Variants in SLC22A15 observed in about 807,000 individuals in gnomAD.
SLC22A15 encodes the protein solute carrier family 22 member 15, also known as flipt 1.
In SLC22A15, 45 loss-of-function variants were observed where a neutral mutation model predicts 62.7. That is an observed-to-expected ratio of 0.72 (90% CI 0.56 to 0.92). SLC22A15 has a LOEUF of 0.92. SLC22A15 is among the 40% of genes least tolerant of loss of function. The pLI is 0.00. For missense variants in SLC22A15, 622 were observed against 665.6 expected (o/e 0.93, Z 0.72); for synonymous variants, 264 against 267.0 (o/e 0.99, Z 0.11).
At chr1:116,048,397 G>A (rs551673972) in intron 8 of SLC22A15, among the ~76,000 whole-genome samples, 9 of 152,286 alleles carry the variant, frequency 5.9e-5, no homozygotes, top group African/African-American at 1.7e-4. Context: ...CAGCAGAAAC[G>A]CTACAAGCTA....
In SLC22A15 at chr1:116,020,774, G is replaced by C; in HGVS notation, c.487G>C (p.Glu163Gln). 3.1e-6 allele frequency: 5 copies of C among 1,613,700 alleles called. No homozygotes were observed. The highest frequency in any genetic ancestry group is 4.2e-6 in the Non-Finnish European group (5 of 1,179,738). The change falls in exon 4 of 12, where the codon GAG (glutamate) becomes CAG (glutamine). Residue 163 changes from glutamate to glutamine, a missense_variant. Coordinates refer to ENST00000369503, the MANE Select transcript of SLC22A15 (RefSeq NM_018420.3). ...AIANGFSPSYEFFAVTRFLVG... is the reference protein window; with the variant it reads ...AIANGFSPSYQFFAVTRFLVG... Reference sequence around the variant, plus strand: ...TGCAAATGGATTTTCCCCCTCATATGAGTTCTTTGCAGTAACTCGCTTCCT... The same window carrying C: ...TGCAAATGGATTTTCCCCCTCATATCAGTTCTTTGCAGTAACTCGCTTCCT...
At chr1:116,031,687 T>C (rs1657405921) in intron 6 of SLC22A15, 106 bp downstream of exon 6, 2 of 1,506,184 alleles carry the variant, frequency 1.3e-6, no homozygotes, top group African/African-American at 1.4e-5. Flanking sequence ...CCTCTTTTGT[T>C]AGCTTGAGGT....
intron 8 of SLC22A15, among the ~76,000 whole-genome samples, chr1:116,039,785 G>A (rs1382188813): frequency 1.3e-5 from 2 of 152,062 alleles, no homozygotes; most frequent in Non-Finnish European, 2.9e-5. Context: ...CAGATAAATA[G>A]TAATTGTTCT....
chr1:115,980,270 A>G (rs1346026983), intron 1 of SLC22A15, among the ~76,000 whole-genome samples: 1 of 152,190 alleles, frequency 6.6e-6, no homozygotes, highest in Non-Finnish European at 1.5e-5. Flanking sequence ...AATAGAAACT[A>G]TACCCCATTT....
chr1:115,990,367 C>T (rs1246168301), intron 1 of SLC22A15, among the ~76,000 whole-genome samples: 3 of 152,166 alleles, frequency 2.0e-5, no homozygotes, highest in African/African-American at 7.2e-5. Flanking sequence ...AGTTCCCTTG[C>T]CCCATGTTTT....
intron 2 of SLC22A15, among the ~76,000 whole-genome samples, chr1:116,002,841 A>G (rs1003813238): frequency 2.0e-5 from 3 of 151,928 alleles, no homozygotes; most frequent in African/African-American, 7.3e-5. Flanking sequence ...TCTTTATTTT[A>G]CTGTGGCTGA....
Position 115,976,616 on chromosome 1 carries a change from G to T in SLC22A15, c.-12G>T. The T allele has an allele frequency of 6.4e-7, 1 of 1,565,384 alleles. No homozygotes were observed. Among genetic ancestry groups the T allele is most frequent in the South Asian group, 1.1e-5 (1 of 87,918 alleles). ...GGCGGTGGGGTGGCGGGGTTCCTGC[G>T]CGCGGCCCGCCATGGAGGTGGAGGA... On this transcript the variant is annotated 5_prime_UTR_variant, in exon 1 of 12. Coordinates refer to ENST00000369503, the MANE Select transcript of SLC22A15 (RefSeq NM_018420.3).
chr1:115,995,918 T>C (rs1587318), intron 2 of SLC22A15, among the ~76,000 whole-genome samples: 145,736 of 152,278 alleles, frequency 0.96, 69,776 homozygotes, highest in East Asian at 1. Context: ...ACCTAGTTTC[T>C]TCCAATGGGG....
chr1:116,023,450 T>C (rs1656938269), intron 4 of SLC22A15, among the ~76,000 whole-genome samples: 2 of 152,260 alleles, frequency 1.3e-5, no homozygotes, highest in African/African-American at 2.4e-5. Flanking sequence ...AGAATACATG[T>C]AGTCCTATTC....
At chr1:115,997,265 G>A (rs542620448) in intron 2 of SLC22A15, among the ~76,000 whole-genome samples, 6 of 152,036 alleles carry the variant, frequency 3.9e-5, no homozygotes, top group Non-Finnish European at 7.4e-5. Context: ...TGTTGCTCAG[G>A]ATGGCTTTGG....
intron 1 of SLC22A15, among the ~76,000 whole-genome samples, chr1:115,988,607 G>A (rs116093424): frequency 0.018 from 2,735 of 152,148 alleles, 35 homozygotes; most frequent in Middle Eastern, 0.065. Context: ...TGCAACCTCC[G>A]TCTCCTGGGT....
chr1:116,026,810 G>C, intron 4 of SLC22A15, 83 bp from the exon 5 acceptor site: 1 of 1,553,388 alleles, frequency 6.4e-7, no homozygotes, highest in South Asian at 1.2e-5. Context: ...TCACCAGGAA[G>C]AAATTGGCTC....
intron 2 of SLC22A15, among the ~76,000 whole-genome samples, chr1:115,994,346 G>A (rs528883732): frequency 6.6e-6 from 1 of 152,274 alleles, no homozygotes; most frequent in East Asian, 1.9e-4. Context: ...CCATTTTACA[G>A]ATTTAAAAAA....
At chr1:116,021,402 T>A (rs956729256) in intron 4 of SLC22A15, among the ~76,000 whole-genome samples, 1 of 151,726 alleles carries the variant, frequency 6.6e-6, no homozygotes, top group African/African-American at 2.4e-5. Flanking sequence ...CATTATTTTC[T>A]CAAGAACTAC....
At chr1:116,004,846 T>C (rs1413966060) in intron 2 of SLC22A15, among the ~76,000 whole-genome samples, 1 of 152,152 alleles carries the variant, frequency 6.6e-6, no homozygotes, top group East Asian at 1.9e-4. Flanking sequence ...TGAATTCAAT[T>C]TTCTGGGGCT....
chr1:115,993,369 C>A (rs2101098964), intron 2 of SLC22A15, among the ~76,000 whole-genome samples: 1 of 151,976 alleles, frequency 6.6e-6, no homozygotes, highest in East Asian at 1.9e-4. Flanking sequence ...TTAGCTCTCC[C>A]AAAATTCCTT....
chr1:116,060,117 G>A (rs985397002), intron 8 of SLC22A15, among the ~76,000 whole-genome samples: 3 of 152,218 alleles, frequency 2.0e-5, no homozygotes, highest in African/African-American at 7.2e-5. Flanking sequence ...TCTAACGGCT[G>A]CAAAGCCTTC....
At chr1:116,000,049 T>A (rs1650480752) in intron 2 of SLC22A15, among the ~76,000 whole-genome samples, 1 of 152,202 alleles carries the variant, frequency 6.6e-6, no homozygotes, top group Admixed American at 6.5e-5. Context: ...CTTGGTTTTT[T>A]TATCCATTCA....
chr1:116,027,477 A>G, intron 5 of SLC22A15: 1 of 440,572 alleles, frequency 2.3e-6, no homozygotes, highest in Non-Finnish European at 4.6e-6. Context: ...AGTCTTAGAT[A>G]TAGGAGAAAT....
Sources: allele counts gnomAD v4.1 joint callset (sites outside exome capture counted in the v4.1 genomes callset), GRCh38; gene constraint gnomAD v4.1.1; transcripts MANE v1.5; gene names NCBI Gene and HGNC (gene_info 2026-07-23, HGNC 2026-07-21).